The following SLC22A16 variants were observed in gnomAD, a reference collection of about 807,000 sequenced individuals.
SLC22A16 encodes the protein WUGSC:RG331P03.1.
A neutral mutation model predicts 52.9 loss-of-function variants in SLC22A16; 53 were observed. The ratio of observed to expected loss-of-function variants is 1.00; its 90% CI spans 0.80 to 1.26. The LOEUF is 1.26. Ranked by LOEUF, SLC22A16 falls within the 50% of genes most tolerant of loss-of-function variation. The probability of loss-of-function intolerance (pLI) is 0.00; values close to 1 mark genes in which losing one functional copy is unlikely to be tolerated. For missense variants in SLC22A16, 726 were observed against 704.0 expected, an observed-to-expected ratio of 1.03 and a Z score of -0.35; for synonymous variants, 291 against 268.8, an observed-to-expected ratio of 1.08 and a Z score of -0.81.
chr6:110,439,862 A>C (rs555390759), intron 4 of SLC22A16: 1 of 152,334 alleles, frequency 6.6e-6, no homozygotes, highest in South Asian at 2.1e-4. Context: ...AACAACATAA[A>C]TTATAGTTGC....
At chr6:110,454,070 T>C (rs1273751158) in intron 2 of SLC22A16, among the ~76,000 whole-genome samples, 1 of 152,168 alleles carries the variant, frequency 6.6e-6, no homozygotes, top group East Asian at 1.9e-4. Flanking sequence ...TTTGCCCCCA[T>C]GGCCCAAACA....
chr6:110,462,406 G>A (rs186920678), intron 1 of SLC22A16, among the ~76,000 whole-genome samples: 2 of 152,222 alleles, frequency 1.3e-5, no homozygotes, highest in East Asian at 3.9e-4. Flanking sequence ...TGGATTGTAA[G>A]AAAGCTCACT....
intron 7 of SLC22A16, among the ~76,000 whole-genome samples, chr6:110,430,411 C>T (rs1554222868): frequency 1.3e-5 from 2 of 150,426 alleles, no homozygotes; most frequent in Admixed American, 6.6e-5. Flanking sequence ...ATGCAGGGGG[C>T]GGGGAGGAGG....
At chr6:110,431,576 A>T (rs986946087) in intron 6 of SLC22A16, among the ~76,000 whole-genome samples, 4 of 152,228 alleles carry the variant, frequency 2.6e-5, no homozygotes, top group Non-Finnish European at 5.9e-5. Context: ...AAGCTGTGCC[A>T]CATAGCCTGG....
At chr6:110,451,146 C>T (rs1775365241) in intron 2 of SLC22A16, among the ~76,000 whole-genome samples, 1 of 152,152 alleles carries the variant, frequency 6.6e-6, no homozygotes, top group Admixed American at 6.5e-5. Context: ...AGCTGTGTCT[C>T]ATTCATTTTC....
chr6:110,437,203 A>G (rs138215327), intron 5 of SLC22A16, among the ~76,000 whole-genome samples: 34 of 152,314 alleles, frequency 2.2e-4, no homozygotes, highest in African/African-American at 7.9e-4. Context: ...TATTGTGTTG[A>G]CATTATCACC....
intron 1 of SLC22A16, among the ~76,000 whole-genome samples, chr6:110,459,913 G>A (rs1775806428): frequency 6.6e-6 from 1 of 152,104 alleles, no homozygotes; most frequent in African/African-American, 2.4e-5. Flanking sequence ...CAGGACAACA[G>A]GATAGAACAG....
intron 1 of SLC22A16, among the ~76,000 whole-genome samples, chr6:110,462,097 T>G (rs1341432103): frequency 2.0e-5 from 3 of 152,192 alleles, no homozygotes; most frequent in Non-Finnish European, 4.4e-5. Flanking sequence ...CCATCAGATC[T>G]TGTGAGACCC....
At chr6:110,459,767 A>T (rs1423020781) in intron 1 of SLC22A16, among the ~76,000 whole-genome samples, 1 of 152,224 alleles carries the variant, frequency 6.6e-6, no homozygotes, top group Non-Finnish European at 1.5e-5. Context: ...TAACTTTTCC[A>T]TAAATCTAAA....
At chr6:110,431,340 T>C in intron 6 of SLC22A16, 70 bp from the exon 7 acceptor site, 1 of 1,310,440 alleles carries the variant, frequency 7.6e-7, no homozygotes, top group Non-Finnish European at 1.1e-6. Context: ...ACCTGCTTCC[T>C]GCAGCTCCTT....
intron 1 of SLC22A16, among the ~76,000 whole-genome samples, chr6:110,470,499 G>A (rs1049974092): frequency 2.0e-5 from 3 of 151,922 alleles, no homozygotes; most frequent in African/African-American, 7.3e-5. Context: ...CCTTCCCACT[G>A]ACCCCATTTC....
chr6:110,438,205 G>A (rs1774811067), intron 5 of SLC22A16, among the ~76,000 whole-genome samples: 1 of 152,206 alleles, frequency 6.6e-6, no homozygotes, highest in East Asian at 1.9e-4. Flanking sequence ...ATGAATAAAT[G>A]AGTGAATGTT....
rs756659131 is a variant in SLC22A16 at position 110,424,955 on chromosome 6, C to T, written c.1652G>A (p.Ser551Asn). Residue 551 changes from serine to asparagine, a missense_variant, in exon 8 of 8, where the codon AGC (serine) becomes AAC (asparagine). Physicochemically the swap from Ser to Asn is conservative, Grantham distance 46 (BLOSUM62 1). Transcript: ENST00000368919. ...ATTATTAGTTGTGAGAAGTAATTTG[C>T]TTGACTTGCTTTCATTCTCTGACTC... is the stretch of plus-strand genomic sequence containing the variant. The part of the protein sequence containing the change: ...KLESENESKS[S>N]KLLLTTNNSG... The T allele has an allele frequency of 6.2e-7, 1 of 1,614,148 alleles. No homozygotes were observed. Among genetic ancestry groups the T allele is most frequent in the Non-Finnish European group, 8.5e-7 (1 of 1,180,024 alleles).
At chr6:110,430,078 T>C (rs1451813012) in intron 7 of SLC22A16, among the ~76,000 whole-genome samples, 1 of 151,910 alleles carries the variant, frequency 6.6e-6, no homozygotes, top group Non-Finnish European at 1.5e-5. Context: ...GGGCACTGGG[T>C]CATGGCCATG....
At position 110,435,927 on chromosome 6, in the gene SLC22A16, A is replaced by G; in HGVS notation, c.1346T>C (p.Val449Ala). The G allele has an allele frequency of 1.2e-6, 2 of 1,614,134 alleles. No homozygotes were observed. The highest frequency in any genetic ancestry group is 1.7e-6 in the Non-Finnish European group (2 of 1,179,970). Residue 449 changes from valine to alanine, a missense_variant, in exon 6 of 8, where the codon GTT (valine) becomes GCT (alanine). Physicochemically the swap from Val to Ala is moderately conservative, Grantham distance 64 (BLOSUM62 0). Transcript: ENST00000368919. ...TGCTGCCCCGATGGCAAATTTTCCAACCATAGCTGTCACCACACCCAAAAT... is the reference window on the plus strand; with the variant it reads ...TGCTGCCCCGATGGCAAATTTTCCAGCCATAGCTGTCACCACACCCAAAAT... ...HYILGVVTAM[V>A]GKFAIGAAFG...
intron 4 of SLC22A16, among the ~76,000 whole-genome samples, chr6:110,441,154 C>A (rs890030180): frequency 4.6e-5 from 7 of 152,144 alleles, no homozygotes; most frequent in Non-Finnish European, 1.0e-4. Flanking sequence ...GCAGAGCATC[C>A]ACATTGAGGA....
Position 110,441,547 on chromosome 6 carries a change from C to G in SLC22A16, c.1183+697G>C, listed in dbSNP as rs115668275. Among the ~76,000 whole-genome samples, 1,035 of 152,288 alleles carry G rather than the reference C, an allele frequency of 6.8e-3. 13 individuals are homozygous for G. The highest frequency in any genetic ancestry group is 0.024 in the African/African-American group (1,002 of 41,564). Reference sequence around the variant, plus strand: ...CAGTCGAAAGCAAAGGTCATGGCAACGTTTGTTGGGGATGCTCAAGGCATT... The same window carrying G: ...CAGTCGAAAGCAAAGGTCATGGCAAGGTTTGTTGGGGATGCTCAAGGCATT... On this transcript the variant is annotated intron_variant, in intron 4 of 7. Coordinates refer to ENST00000368919, the MANE Select transcript of SLC22A16 (RefSeq NM_033125.4).
chr6:110,466,162 T>C (rs1776052503), intron 1 of SLC22A16, among the ~76,000 whole-genome samples: 1 of 152,140 alleles, frequency 6.6e-6, no homozygotes, highest in Admixed American at 6.6e-5. Context: ...GGCCTAAATG[T>C]AAGACCTGAC....
At position 110,450,906 on chromosome 6, in the gene SLC22A16, G is replaced by A. The variant is rs536670807; in HGVS notation, c.534-3916C>T. Among the ~76,000 whole-genome samples the A allele has an allele frequency of 1.4e-4, 22 of 152,208 alleles. No homozygotes were observed. In the South Asian group the frequency reaches 4.4e-3, roughly 30 times the overall value. On this transcript the variant is annotated intron_variant, in intron 2 of 7. Coordinates refer to ENST00000368919, the MANE Select transcript of SLC22A16 (RefSeq NM_033125.4). ...GACTACAAATCCCTTGCCCTTTCTA[G>A]GAGGAAACATTTTTCTAATTTTGGT...
Sources: allele counts gnomAD v4.1 joint callset (sites outside exome capture counted in the v4.1 genomes callset), GRCh38; gene constraint gnomAD v4.1.1; transcripts MANE v1.5; gene names NCBI Gene and HGNC (gene_info 2026-07-23, HGNC 2026-07-21).